Variants in DLAT observed in about 807,000 individuals in gnomAD.
DLAT encodes dihydrolipoyllysine-residue acetyltransferase component of pyruvate dehydrogenase complex, mitochondrial.
In DLAT, 43 loss-of-function variants were observed where a neutral mutation model predicts 68.0. The ratio of observed to expected loss-of-function variants is 0.63; its 90% CI spans 0.50 to 0.81. The LOEUF (loss-of-function observed/expected upper bound fraction) is 0.81, where lower values mean the gene tolerates loss of function less well. DLAT is among the 40% of genes least tolerant of loss of function. The probability of loss-of-function intolerance (pLI) is 0.00; values close to 1 mark genes in which losing one functional copy is unlikely to be tolerated. For synonymous variants in DLAT, 265 were observed against 288.6 expected (o/e 0.92, Z 0.83); for missense variants, 745 against 815.4 (o/e 0.91, Z 1.05).
intron 7 of DLAT, among the ~76,000 whole-genome samples, chr11:112,040,396 C>T (rs1555180939): frequency 6.6e-6 from 1 of 152,178 alleles, no homozygotes; most frequent in East Asian, 1.9e-4. Context: ...TTCTTCCTTC[C>T]TGTTAAATAG....
At chr11:112,058,750 TC>T (rs1442703528) in intron 11 of DLAT, among the ~76,000 whole-genome samples, 1 of 152,106 alleles carries the variant, frequency 6.6e-6, no homozygotes, top group East Asian at 1.9e-4. Context: ...TCAGTTATTT[TC>T]ATATCACATT....
In DLAT at chr11:112,050,488, G is replaced by A. The variant is rs182344273; in HGVS notation, c.1399-746G>A. Among the ~76,000 whole-genome samples, 1,048 of 152,158 alleles carry A rather than the reference G, an allele frequency of 6.9e-3. 5 individuals carry two copies. The highest frequency in any genetic ancestry group is 0.051 in the Middle Eastern group (15 of 294). ...CTTTAATATTTGGTAGAATACTGAC[G>A]AAGCCATTTGGGTCTAAGCTTTTCT... On this transcript the variant is annotated intron_variant, in intron 10 of 13. Coordinates refer to ENST00000280346, the MANE Select transcript of DLAT (RefSeq NM_001931.5).
At chr11:112,043,360 T>C (rs1863142374) in intron 7 of DLAT, 106 bp from the exon 8 acceptor site, 2 of 1,034,970 alleles carry the variant, frequency 1.9e-6, no homozygotes, top group Non-Finnish European at 3.1e-6. Flanking sequence ...TTCAGAATGT[T>C]TTTGGTAGTA....
In DLAT at chr11:112,062,577, C is replaced by G. The variant is rs1327672600; in HGVS notation, c.*42C>G. The stretch of plus-strand genomic sequence containing the variant: ...TAAACTCTCCCAGGTCACACTGATT[C>G]ATTCTTAACAAGATATTTATATGTT... On this transcript the variant is annotated 3_prime_UTR_variant, in exon 14 of 14. Transcript: ENST00000280346. 2.2e-5 allele frequency: 35 copies of G among 1,599,736 alleles called. No individual in the cohort carries two copies. Among genetic ancestry groups the G allele is most frequent in the Non-Finnish European group, 2.6e-5 (30 of 1,169,366 alleles).
At chr11:112,039,059 G>A (rs1555180780) in intron 6 of DLAT, among the ~76,000 whole-genome samples, 185 bp from the exon 7 acceptor site, 2 of 152,014 alleles carry the variant, frequency 1.3e-5, no homozygotes, top group Admixed American at 6.6e-5. Context: ...TATTGTTCTC[G>A]CTGTTCGTAT....
At chr11:112,029,141 TC>T (rs1862257661) in intron 4 of DLAT, among the ~76,000 whole-genome samples, 196 bp downstream of exon 4, 1 of 152,208 alleles carries the variant, frequency 6.6e-6, no homozygotes, top group Admixed American at 6.5e-5. Context: ...CTTGAACAGT[TC>T]CTGTAACCTT....
At chr11:112,058,602 G>T (rs1864269544) in intron 11 of DLAT, among the ~76,000 whole-genome samples, 1 of 129,786 alleles carries the variant, frequency 7.7e-6, no homozygotes, top group Admixed American at 7.8e-5. Flanking sequence ...GTGAACTTCA[G>T]TTGGGGTGGG....
In DLAT at chr11:112,041,609, G is replaced by A. The variant is rs587654913; in HGVS notation, c.1130-1857G>A. The stretch of plus-strand genomic sequence containing the variant: ...TAAAAGAGGCCAGTGTTGGCCAGGC[G>A]CAATGGCTCACGCCTGTAATCCCAG... On this transcript the variant is annotated intron_variant, in intron 7 of 13. Coordinates refer to ENST00000280346, the MANE Select transcript of DLAT (RefSeq NM_001931.5). Among the ~76,000 whole-genome samples the A allele has an allele frequency of 3.3e-5, 5 of 152,264 alleles. No homozygotes were observed. In the East Asian group the frequency reaches 7.7e-4, roughly 24 times the overall value.
intron 6 of DLAT, among the ~76,000 whole-genome samples, chr11:112,037,941 T>C (rs989820283): frequency 1.9e-4 from 29 of 152,162 alleles, no homozygotes; most frequent in Admixed American, 1.3e-4. Context: ...AAGCATATAT[T>C]TGTGATACAG....
At chr11:112,060,098 TA>T (rs1864467542) in intron 12 of DLAT, 33 bp downstream of exon 12, 1 of 1,594,414 alleles carries the variant, frequency 6.3e-7, no homozygotes. Flanking sequence ...CTAATTATGT[TA>T]TTTTTAAGGT....
intron 1 of DLAT, among the ~76,000 whole-genome samples, chr11:112,025,980 G>A (rs905693329): frequency 2.0e-5 from 3 of 152,218 alleles, no homozygotes; most frequent in Non-Finnish European, 4.4e-5. Flanking sequence ...ATCTGCCGAG[G>A]TTCATGCTTT....
At position 112,063,282 on chromosome 11, in the gene DLAT, C is replaced by T. The variant is rs1319105311; in HGVS notation, c.*747C>T. 2 of 151,440 alleles carry T rather than the reference C, an allele frequency of 1.3e-5. No individual in the cohort carries two copies. Among genetic ancestry groups the T allele is most frequent in the Non-Finnish European group, 2.9e-5 (2 of 67,836 alleles). 9.4% of individuals were successfully genotyped at this position (151,440 alleles called of 1,614,324 possible). ...TGAGTACAGAATTCAACAGTTACCT[C>T]CAAAAAAGAAACATTGTTAATATAA... is the stretch of plus-strand genomic sequence containing the variant. On this transcript the variant is annotated 3_prime_UTR_variant, in exon 14 of 14. Coordinates refer to ENST00000280346, the MANE Select transcript of DLAT (RefSeq NM_001931.5).
At chr11:112,031,006 A>G (rs1238385591) in intron 4 of DLAT, among the ~76,000 whole-genome samples, 1 of 152,206 alleles carries the variant, frequency 6.6e-6, no homozygotes, top group Non-Finnish European at 1.5e-5. Context: ...TGCATGTGTT[A>G]GGGTTTTACC....
intron 8 of DLAT, among the ~76,000 whole-genome samples, chr11:112,044,931 G>T (rs1031801516): frequency 1.3e-5 from 2 of 152,024 alleles, no homozygotes; most frequent in South Asian, 4.2e-4. Context: ...GCTACTCTAG[G>T]GGCTGAGATG....
At chr11:112,029,972 A>G (rs1555179837) in intron 4 of DLAT, 12 of 989,178 alleles carry the variant, frequency 1.2e-5, no homozygotes, top group African/African-American at 8.1e-5. Flanking sequence ...CATCCAGCCA[A>G]TCACACTTAG....
rs371327631 is a variant in DLAT, at chr11:112,037,775, A to G, written c.975+315A>G. Among the ~76,000 whole-genome samples, 27 of 86,204 alleles carry G rather than the reference A, an allele frequency of 3.1e-4. No individual in the cohort carries two copies. In the East Asian group the frequency reaches 8.3e-3, roughly 27 times the overall value. 56.6% of individuals were successfully genotyped at this position (86,204 alleles called of 152,430 possible). ...GTGGAAAGTAAGGCTTCATTGCCCC[A>G]CCCTTTTTTTTTTTTTTTAAGAGAC... is the stretch of plus-strand genomic sequence containing the variant. On this transcript the variant is annotated intron_variant, in intron 6 of 13. Coordinates refer to ENST00000280346, the MANE Select transcript of DLAT (RefSeq NM_001931.5).
At position 112,051,188 on chromosome 11, in the gene DLAT, A is replaced by G. The variant is rs782637906; in HGVS notation, c.1399-46A>G. The stretch of plus-strand genomic sequence containing the variant: ...ATGCACCCTGAAACTTAAAATTAAA[A>G]TTAAAATTAAAAAAGAAGAAACTAC... On this transcript the variant is annotated intron_variant, in intron 10 of 13. Transcript: ENST00000280346. The surrounding 1 kb of genome is among the most constrained non-coding windows in gnomAD (Gnocchi z 4.3). 8.3e-6 allele frequency: 11 copies of G among 1,321,526 alleles called. No individual in the cohort carries two copies. In the East Asian group the frequency reaches 2.3e-4, roughly 28 times the overall value. The allele number at this position is 1,321,526 out of a possible 1,614,324, so 81.9% of individuals were successfully genotyped here.
At chr11:112,030,245 C>T (rs1377216522) in intron 4 of DLAT, 2 of 575,718 alleles carry the variant, frequency 3.5e-6, no homozygotes, top group Non-Finnish European at 6.9e-6. Context: ...ACCCAAAGTT[C>T]TCGGTCGTCT....
At chr11:112,060,118 T>G (rs1286911021) in intron 12 of DLAT, 53 bp downstream of exon 12, 1 of 1,489,338 alleles carries the variant, frequency 6.7e-7, no homozygotes, top group African/African-American at 1.4e-5. Context: ...GTTTGCATAA[T>G]GCATTTATTG....
Sources: gnomAD v4.1 joint callset for allele counts (sites outside exome capture counted in the v4.1 genomes callset) on GRCh38, gnomAD v4.1.1 for gene constraint, Gnocchi (gnomAD v3.1) non-coding constraint, MANE v1.5 for transcripts, NCBI Gene and HGNC (gene_info 2026-07-23, HGNC 2026-07-21) for gene names.